The following ZSCAN2 variants were observed in gnomAD, a reference collection of about 807,000 sequenced individuals.
ZSCAN2 encodes zinc finger and SCAN domain-containing protein 2.
Under a neutral mutation model 47.8 loss-of-function variants are expected in ZSCAN2, and 26 were observed. The ratio of observed to expected loss-of-function variants is 0.54; its 90% CI spans 0.40 to 0.75. ZSCAN2 has a LOEUF of 0.75. Among genes scored for constraint, ZSCAN2 ranks in the 30% least tolerant of loss-of-function variants. ZSCAN2 has a pLI of 0.00. For synonymous variants in ZSCAN2, 305 were observed against 288.7 expected (o/e 1.06, Z -0.57); for missense variants, 732 against 785.4 (o/e 0.93, Z 0.81).
intron 2 of ZSCAN2, among the ~76,000 whole-genome samples, chr15:84,619,214 A>G (rs1028864226): frequency 6.6e-5 from 10 of 152,114 alleles, no homozygotes; most frequent in Admixed American, 3.3e-4. Context: ...GGCGGATCAC[A>G]AGGTCAGGAG....
At chr15:84,611,068 T>G (rs1431867584) in intron 2 of ZSCAN2, among the ~76,000 whole-genome samples, 1 of 151,686 alleles carries the variant, frequency 6.6e-6, no homozygotes, top group Non-Finnish European at 1.5e-5. Context: ...CCAAGGTGGG[T>G]GGATCACGAG....
At chr15:84,605,795 C>T (rs936043321) in intron 2 of ZSCAN2, among the ~76,000 whole-genome samples, 1 of 152,158 alleles carries the variant, frequency 6.6e-6, no homozygotes, top group Non-Finnish European at 1.5e-5. Context: ...AGATGGGGCA[C>T]GTGTGAGAAA....
At position 84,621,312 on chromosome 15, in the gene ZSCAN2, T is replaced by C; in HGVS notation, c.1117T>C (p.Tyr373His). 6.2e-7 allele frequency: 1 copy of C among 1,613,428 alleles called. No homozygotes were observed. Among genetic ancestry groups the C allele is most frequent in the African/African-American group, 1.3e-5 (1 of 74,728 alleles). The change falls in exon 3 of 3, where the codon TAC becomes CAC. Residue 373 changes from tyrosine to histidine, a missense_variant. Transcript: ENST00000546148. The surrounding 1 kb of genome is among the most constrained non-coding windows in gnomAD (Gnocchi z 5.7). ...TAAAGAATGCGGCGAAAGCTTTAGT[T>C]ACAACTCCAATCTAATCAGACACCA... ...ECKECGESFS[Y>H]NSNLIRHQRI... is the part of the protein sequence containing the mutation.
chr15:84,619,226 T>C (rs1277380014), intron 2 of ZSCAN2, among the ~76,000 whole-genome samples: 1 of 151,942 alleles, frequency 6.6e-6, no homozygotes, highest in Non-Finnish European at 1.5e-5. Flanking sequence ...GGTCAGGAGA[T>C]CGAGACCATC....
chr15:84,607,728 C>T (rs561439839), intron 2 of ZSCAN2, among the ~76,000 whole-genome samples: 1 of 151,954 alleles, frequency 6.6e-6, no homozygotes, highest in Non-Finnish European at 1.5e-5. Context: ...AGACTGGTCT[C>T]GAACTCCTGA....
chr15:84,621,152 C>T lies in ZSCAN2; in HGVS notation c.957C>T (p.Pro319=). ...AECGKSFSRS[P]NLIAHQRTHT... ...GTGGCAAGAGCTTCAGCAGGAGTCCCAACCTCATTGCACATCAGCGCACCC... is the reference window on the plus strand; with the variant it reads ...GTGGCAAGAGCTTCAGCAGGAGTCCTAACCTCATTGCACATCAGCGCACCC... Residue 319 remains proline (P), a synonymous_variant, in exon 3 of 3, where the codon CCC becomes CCT. Transcript: ENST00000546148. The surrounding 1 kb of genome is among the most constrained non-coding windows in gnomAD (Gnocchi z 5.7). 6.2e-7 allele frequency: 1 copy of T among 1,614,114 alleles called. No individual in the cohort carries two copies. The highest frequency in any genetic ancestry group is 8.5e-7 in the Non-Finnish European group (1 of 1,180,008).
chr15:84,603,727 A>AG lies in ZSCAN2; in HGVS notation c.-108-90dup, dbSNP rs374217949. On this transcript the variant is annotated intron_variant, in intron 1 of 2. Coordinates refer to ENST00000546148, the MANE Select transcript of ZSCAN2 (RefSeq NM_181877.4). ...AAACGTCTGTTGGTTTGCATATGTA[A>AG]GGGCCACTTGGTGGTCTGACCTGGG... 156 of 555,932 alleles carry AG rather than the reference A, an allele frequency of 2.8e-4. 1 individual carries two copies. Among genetic ancestry groups the AG allele is most frequent in the Middle Eastern group, 2.5e-3 (7 of 2,846 alleles). The allele number at this position is 555,932 out of a possible 1,614,324, so 34.4% of individuals were successfully genotyped here. A position where few individuals can be genotyped will look rare whatever the true frequency, so the allele number is the denominator to read the frequency against.
intron 2 of ZSCAN2, among the ~76,000 whole-genome samples, chr15:84,610,488 C>CTTT (rs71132689): frequency 3.2e-4 from 28 of 86,918 alleles, no homozygotes; most frequent in Admixed American, 1.5e-3. Context: ...TTCTTTCTTT[C>CTTT]TTTTTTTTTT....
intron 2 of ZSCAN2, among the ~76,000 whole-genome samples, chr15:84,613,500 G>T (rs534323158): frequency 1.3e-3 from 190 of 151,560 alleles, no homozygotes; most frequent in Non-Finnish European, 2.4e-3. Flanking sequence ...TTTGTATGGG[G>T]TTTCACCATG....
At chr15:84,605,323 A>G (rs926437388) in intron 2 of ZSCAN2, among the ~76,000 whole-genome samples, 1 of 152,152 alleles carries the variant, frequency 6.6e-6, no homozygotes, top group African/African-American at 2.4e-5. Context: ...GGCTCGAAGG[A>G]TATGGCTGCC....
intron 2 of ZSCAN2, among the ~76,000 whole-genome samples, chr15:84,611,298 T>G (rs1895541459): frequency 6.6e-6 from 1 of 150,874 alleles, no homozygotes; most frequent in African/African-American, 2.4e-5. Flanking sequence ...AAAATTTTTT[T>G]CTTTTTAATT....
chr15:84,616,046 C>T (rs1895684401), intron 2 of ZSCAN2, among the ~76,000 whole-genome samples: 1 of 152,050 alleles, frequency 6.6e-6, no homozygotes, highest in South Asian at 2.1e-4. Context: ...CCAGCCTGGC[C>T]AACATGGCGA....
At position 84,606,290 on chromosome 15, in the gene ZSCAN2, TCTCA is replaced by T. The variant is rs202059706; in HGVS notation, c.406+1960_406+1963del. 3.9e-3 allele frequency: 1,795 copies of T among 465,498 alleles called. 37 individuals are homozygous for T. The highest frequency in any genetic ancestry group is 0.033 in the African/African-American group (1,667 of 50,066). 28.8% of individuals were successfully genotyped at this position (465,498 alleles called of 1,614,324 possible). Reference sequence around the variant, plus strand: ...CCTGCCCTGGGCACCTTCATGCTTGTCTCACTAAGAATCCTGTGAGTGGCTGGCA... The same window carrying T: ...CCTGCCCTGGGCACCTTCATGCTTGTCTAAGAATCCTGTGAGTGGCTGGCA... On this transcript the variant is annotated intron_variant, in intron 2 of 2. Transcript: ENST00000546148.
At position 84,604,256 on chromosome 15, in the gene ZSCAN2, T is replaced by C; in HGVS notation, c.329T>C (p.Leu110Pro). The change falls in exon 2 of 3, where the codon CTG becomes CCG. Residue 110 changes from leucine to proline, a missense_variant. By Grantham distance (98) the Leu-to-Pro change is moderately conservative. Coordinates refer to ENST00000546148, the MANE Select transcript of ZSCAN2 (RefSeq NM_181877.4). Reference sequence around the variant, plus strand: ...CTGCCAAAGGAAATTCAGGCTTGGCTGCAAGAGCATCGGCCTGAAAGCAGT... The same window carrying C: ...CTGCCAAAGGAAATTCAGGCTTGGCCGCAAGAGCATCGGCCTGAAAGCAGT... ...TMLPKEIQAWLQEHRPESSEE... is the reference protein window; with the variant it reads ...TMLPKEIQAWPQEHRPESSEE... 2 of 1,614,154 alleles carry C rather than the reference T, an allele frequency of 1.2e-6. No individual in the cohort carries two copies. Among genetic ancestry groups the C allele is most frequent in the Non-Finnish European group, 8.5e-7 (1 of 1,180,018 alleles).
chr15:84,618,448 G>C (rs1373502697), intron 2 of ZSCAN2, among the ~76,000 whole-genome samples: 2 of 152,130 alleles, frequency 1.3e-5, no homozygotes, highest in East Asian at 1.9e-4. Flanking sequence ...GCTTTTTTTA[G>C]GATTGAGGTC....
rs755123693 is a variant in ZSCAN2, at chr15:84,621,968, T to C, written c.1773T>C (p.Cys591=). ...TGEKPYKCPE[C]GKGFSNSSNF... is the part of the protein sequence containing the mutation. ...AGAAGCCCTACAAATGCCCCGAGTG[T>C]GGCAAAGGCTTCAGCAACAGCTCTA... The change falls in exon 3 of 3, where the codon TGT becomes TGC. Residue 591 remains cysteine (C), a synonymous_variant. Coordinates refer to ENST00000546148, the MANE Select transcript of ZSCAN2 (RefSeq NM_181877.4). The surrounding 1 kb of genome is among the most constrained non-coding windows in gnomAD (Gnocchi z 5.7). 21 of 1,614,026 alleles carry C rather than the reference T, an allele frequency of 1.3e-5. No homozygotes were observed. The South Asian group carries it at 2.3e-4, about 18-fold the overall frequency.
chr15:84,603,981 G>T lies in ZSCAN2; in HGVS notation c.54G>T (p.Gln18His), dbSNP rs1192548815. 6.2e-7 allele frequency: 1 copy of T among 1,613,908 alleles called. No individual in the cohort carries two copies. The highest frequency in any genetic ancestry group is 1.3e-5 in the African/African-American group (1 of 74,892). ...CCACTCCGCTGAGCTCCTTGGTCCA[G>T]GTGCCTCAAGAGGAAGATAGACAGG... Reference protein sequence around the residue: ...RVTTPLSSLVQVPQEEDRQEE... With the variant: ...RVTTPLSSLVHVPQEEDRQEE... The change falls in exon 2 of 3, where the codon CAG becomes CAT. Residue 18 changes from glutamine (Q) to histidine (H), a missense_variant. Physicochemically the swap from Gln to His is conservative, Grantham distance 24. Around this residue, in one of 2 missense-constraint regions of ZSCAN2, gnomAD observed 320 missense variants for 287.4 expected, o/e 1.11. Coordinates refer to ENST00000546148, the MANE Select transcript of ZSCAN2 (RefSeq NM_181877.4).
At chr15:84,619,936 T>G (rs1353287161) in intron 2 of ZSCAN2, among the ~76,000 whole-genome samples, 3 of 151,842 alleles carry the variant, frequency 2.0e-5, no homozygotes, top group East Asian at 1.9e-4. Context: ...GGTTTTTTTT[T>G]TTTTTTTTTT....
Position 84,603,902 on chromosome 15 carries a change from C to T in ZSCAN2, c.-26C>T. On this transcript the variant is annotated 5_prime_UTR_variant, in exon 2 of 3. Coordinates refer to ENST00000546148, the MANE Select transcript of ZSCAN2 (RefSeq NM_181877.4). ...GAAGACTGAGGTCCAAGGCTTGAAG[C>T]CTAAGTGATTGCCCCAGGACTGTGG... 1 of 1,596,838 alleles carries T rather than the reference C, an allele frequency of 6.3e-7. No homozygotes were observed. The highest frequency in any genetic ancestry group is 8.6e-7 in the Non-Finnish European group (1 of 1,169,078).
Sources: allele counts gnomAD v4.1 joint callset (sites outside exome capture counted in the v4.1 genomes callset), GRCh38; gene constraint gnomAD v4.1.1; regional missense constraint gnomAD v4.1.1; non-coding constraint Gnocchi (gnomAD v3.1); transcripts MANE v1.5; gene names NCBI Gene and HGNC (gene_info 2026-07-23, HGNC 2026-07-21).